The following STX8 variants were observed in gnomAD, a reference collection of about 807,000 sequenced individuals.
The protein encoded by STX8 is syntaxin 8.
A neutral mutation model predicts 37.5 loss-of-function variants in STX8; 23 were observed. The observed-to-expected ratio is 0.61, with a 90% CI of 0.44 to 0.87. STX8 has a LOEUF of 0.87. STX8 is among the 40% of genes least tolerant of loss of function. STX8 has a pLI of 0.00. For missense variants in STX8, 313 were observed against 284.7 expected, an observed-to-expected ratio of 1.10 and a Z score of -0.71; for synonymous variants, 115 against 99.1, an observed-to-expected ratio of 1.16 and a Z score of -0.95.
chr17:9,488,620 C>T lies in STX8; in HGVS notation c.541+3209G>A, dbSNP rs887411345. Among the ~76,000 whole-genome samples the T allele has an allele frequency of 6.6e-5, 10 of 152,132 alleles. No individual in the cohort carries two copies. In the South Asian group the frequency reaches 1.9e-3, roughly 28 times the overall value. ...AACCTACTGTTGTTGTCTTTGAAGA[C>T]GGAGGAAGGGGTCATGGGCCAAGGA... On this transcript the variant is annotated intron_variant, in intron 6 of 7. Coordinates refer to ENST00000306357, the MANE Select transcript of STX8 (RefSeq NM_004853.3).
chr17:9,419,584 A>T (rs1416429285), intron 6 of STX8, among the ~76,000 whole-genome samples: 1 of 152,178 alleles, frequency 6.6e-6, no homozygotes, highest in African/African-American at 2.4e-5. Context: ...AAGTATCGAG[A>T]ATGCTCTATC....
chr17:9,342,964 T>G (rs1017874222), intron 7 of STX8, among the ~76,000 whole-genome samples: 2 of 143,784 alleles, frequency 1.4e-5, no homozygotes, highest in Middle Eastern at 3.9e-3. Context: ...GAGGTTGCAG[T>G]GAGCCAAGAT....
chr17:9,251,868 A>G (rs770694932), intron 7 of STX8, among the ~76,000 whole-genome samples: 1 of 152,200 alleles, frequency 6.6e-6, no homozygotes, highest in Admixed American at 6.5e-5. Context: ...GAGACTTAAA[A>G]ATGTATGGCA....
At chr17:9,537,387 C>T (rs1906100995) in intron 4 of STX8, among the ~76,000 whole-genome samples, 1 of 152,140 alleles carries the variant, frequency 6.6e-6, no homozygotes, top group Non-Finnish European at 1.5e-5. Context: ...TTCTCCACAC[C>T]CTCATTCTTC....
chr17:9,345,827 A>G (rs1330863800), intron 7 of STX8, among the ~76,000 whole-genome samples: 3 of 97,202 alleles, frequency 3.1e-5, no homozygotes, highest in Admixed American at 1.2e-4. Context: ...TATTTGCATT[A>G]TACCTCCGGG....
intron 6 of STX8, among the ~76,000 whole-genome samples, chr17:9,397,327 G>T (rs1229687398): frequency 3.9e-5 from 6 of 152,046 alleles, no homozygotes; most frequent in African/African-American, 1.4e-4. Context: ...ACCCGGGAGG[G>T]AGAGGTTGCA....
chr17:9,284,398 G>C (rs1220721918), intron 7 of STX8, among the ~76,000 whole-genome samples: 1 of 152,196 alleles, frequency 6.6e-6, no homozygotes, highest in Non-Finnish European at 1.5e-5. Flanking sequence ...GATCGTCTTA[G>C]CTAAAGAAAA....
At chr17:9,488,821 A>AGAGTGTGTGTGTGTGTGT (rs563653738) in intron 6 of STX8, among the ~76,000 whole-genome samples, 1 of 143,910 alleles carries the variant, frequency 6.9e-6, no homozygotes, top group African/African-American at 2.6e-5. Context: ...AGAGAGAGAG[A>AGAGTGTGTGTGTGTGTGT]GTGTGTGTGT....
At chr17:9,264,303 G>A (rs1175019632) in intron 7 of STX8, among the ~76,000 whole-genome samples, 1 of 152,138 alleles carries the variant, frequency 6.6e-6, no homozygotes, top group Non-Finnish European at 1.5e-5. Flanking sequence ...CCAAATTTGG[G>A]GTGATCTTTT....
chr17:9,565,236 T>G (rs1907408114), intron 2 of STX8, among the ~76,000 whole-genome samples: 2 of 151,916 alleles, frequency 1.3e-5, no homozygotes, highest in African/African-American at 4.8e-5. Flanking sequence ...AAAAATAACA[T>G]AGCTGGAAAC....
chr17:9,384,056 T>C (rs1425577989), intron 6 of STX8, among the ~76,000 whole-genome samples: 1 of 152,122 alleles, frequency 6.6e-6, no homozygotes, highest in Non-Finnish European at 1.5e-5. Context: ...ATAGCTGTAC[T>C]AGTTCACATT....
At chr17:9,438,175 G>A (rs1035786105) in intron 6 of STX8, among the ~76,000 whole-genome samples, 19 of 150,620 alleles carry the variant, frequency 1.3e-4, no homozygotes, top group Admixed American at 3.3e-4. Context: ...CCCGGGAGGC[G>A]GAGGTTGCAG....
At chr17:9,418,850 A>AG (rs1913307792) in intron 6 of STX8, among the ~76,000 whole-genome samples, 1 of 75,170 alleles carries the variant, frequency 1.3e-5, no homozygotes, top group Non-Finnish European at 2.8e-5. Context: ...GGGGGGGGGG[A>AG]AGGGGGAGGG....
intron 3 of STX8, chr17:9,555,078 C>T (rs902051614): frequency 6.6e-6 from 1 of 151,972 alleles, no homozygotes; most frequent in African/African-American, 2.4e-5. Context: ...TGTTGTATTC[C>T]AGTTGAATTT....
At chr17:9,574,499 G>T (rs1444472756) in intron 1 of STX8, among the ~76,000 whole-genome samples, 1 of 151,406 alleles carries the variant, frequency 6.6e-6, no homozygotes, top group Non-Finnish European at 1.5e-5. Context: ...TCTCTATCAA[G>T]GGGTGTATAT....
chr17:9,274,750 TC>T lies in STX8; in HGVS notation c.644-24106del, dbSNP rs1339970692. Among the ~76,000 whole-genome samples the T allele has an allele frequency of 2.2e-4, 28 of 127,066 alleles. 5 individuals carry two copies. The highest frequency in any genetic ancestry group is 7.5e-4 in the East Asian group (3 of 4,004). The allele number at this position is 127,066 out of a possible 152,430, so 83.4% of individuals were successfully genotyped here. The stretch of plus-strand genomic sequence containing the variant: ...TTCAAAAATACAACAATTTCTTTTT[TC>T]TTTTTTTTTTTTTTTTTTGAGACGG... On this transcript the variant is annotated intron_variant, in intron 7 of 7. Coordinates refer to ENST00000306357, the MANE Select transcript of STX8 (RefSeq NM_004853.3).
chr17:9,483,347 C>A (rs1180477320), intron 6 of STX8, among the ~76,000 whole-genome samples: 1 of 152,198 alleles, frequency 6.6e-6, no homozygotes, highest in African/African-American at 2.4e-5. Flanking sequence ...CCGTTTCAAA[C>A]TCCCTCTGCC....
chr17:9,400,105 TA>T (rs201929728), intron 6 of STX8, among the ~76,000 whole-genome samples: 2,369 of 103,954 alleles, frequency 0.023, 62 homozygotes, highest in African/African-American at 0.08. Flanking sequence ...TTGTTGTTAT[TA>T]TTTTTTTTTT....
At chr17:9,323,544 C>T (rs1302669463) in intron 7 of STX8, among the ~76,000 whole-genome samples, 3 of 152,082 alleles carry the variant, frequency 2.0e-5, no homozygotes, top group Non-Finnish European at 4.4e-5. Context: ...ATGGACCTTG[C>T]AGAAGGCAAT....
Sources: allele counts gnomAD v4.1 joint callset (sites outside exome capture counted in the v4.1 genomes callset), GRCh38; gene constraint gnomAD v4.1.1; transcripts MANE v1.5; gene names NCBI Gene and HGNC (gene_info 2026-07-23, HGNC 2026-07-21).